Variants in SECISBP2L observed in about 807,000 individuals in gnomAD.
The protein encoded by SECISBP2L is SECIS binding protein 2 like.
A neutral mutation model predicts 114.7 loss-of-function variants in SECISBP2L; 43 were observed. The ratio of observed to expected loss-of-function variants is 0.38; its 90% CI spans 0.29 to 0.48. SECISBP2L has a LOEUF of 0.48. Ranked by LOEUF, SECISBP2L falls within the 20% of genes least tolerant of loss-of-function variation. The pLI is 0.98. For missense variants in SECISBP2L, 1,136 were observed against 1,301.1 expected (o/e 0.87, Z 1.95); for synonymous variants, 451 against 439.7 (o/e 1.03, Z -0.32).
At chr15:49,039,396 C>T (rs1595797584) in intron 1 of SECISBP2L, among the ~76,000 whole-genome samples, 2 of 151,984 alleles carry the variant, frequency 1.3e-5, no homozygotes, top group Non-Finnish European at 1.5e-5. Flanking sequence ...GAAAAGCCGA[C>T]GTACAGCAAT....
At chr15:49,036,784 A>T (rs1006270274) in intron 2 of SECISBP2L, among the ~76,000 whole-genome samples, 2 of 152,234 alleles carry the variant, frequency 1.3e-5, no homozygotes, top group Non-Finnish European at 2.9e-5. Flanking sequence ...ACAATTTCTC[A>T]AAGAATGTGC....
chr15:49,029,599 T>C (rs956570414), intron 4 of SECISBP2L, among the ~76,000 whole-genome samples: 2 of 152,160 alleles, frequency 1.3e-5, no homozygotes, highest in Non-Finnish European at 2.9e-5. Context: ...CTAAGAACAA[T>C]AGTACTGTTG....
At position 48,997,697 on chromosome 15, in the gene SECISBP2L, C is replaced by T. The variant is rs555328083; in HGVS notation, c.2404-1111G>A. The stretch of plus-strand genomic sequence containing the variant: ...CCAGCGTGACCAACATGGAGAAACA[C>T]CATCTCTACTAAAAATACAAAATTA... On this transcript the variant is annotated intron_variant, in intron 16 of 17. Transcript: ENST00000559471. 3.3e-5 allele frequency among the ~76,000 whole-genome samples: 5 copies of T among 152,188 alleles called. No individual in the cohort carries two copies. The South Asian group carries it at 6.2e-4, about 19-fold the overall frequency.
intron 16 of SECISBP2L, among the ~76,000 whole-genome samples, chr15:48,997,053 C>T (rs545091576): frequency 1.3e-5 from 2 of 152,252 alleles, no homozygotes; most frequent in African/African-American, 4.8e-5. Context: ...CTCTAAACTG[C>T]TGGGCATCAC....
At chr15:49,039,369 T>A (rs1251215606) in intron 1 of SECISBP2L, among the ~76,000 whole-genome samples, 1 of 151,754 alleles carries the variant, frequency 6.6e-6, no homozygotes, top group Non-Finnish European at 1.5e-5. Flanking sequence ...AATAAATATT[T>A]CCCCAATTAG....
intron 7 of SECISBP2L, among the ~76,000 whole-genome samples, chr15:49,020,296 C>T (rs528400735): frequency 2.0e-5 from 3 of 152,112 alleles, no homozygotes; most frequent in South Asian, 2.1e-4. Context: ...AGCCTGAACA[C>T]CTAGGCTCGA....
chr15:49,035,216 G>T, intron 3 of SECISBP2L, 118 bp downstream of exon 3: 1 of 841,266 alleles, frequency 1.2e-6, no homozygotes, highest in South Asian at 1.8e-5. Flanking sequence ...TTTTACAATA[G>T]TGAACAATAT....
intron 11 of SECISBP2L, among the ~76,000 whole-genome samples, chr15:49,013,516 C>T (rs1199323683): frequency 6.6e-6 from 1 of 152,100 alleles, no homozygotes; most frequent in Non-Finnish European, 1.5e-5. Context: ...AGGATGGTCT[C>T]GATCTCTTGA....
chr15:48,997,214 G>A (rs1902112265), intron 16 of SECISBP2L, among the ~76,000 whole-genome samples: 4 of 152,210 alleles, frequency 2.6e-5, no homozygotes, highest in Admixed American at 2.0e-4. Context: ...TAGGGGAGCA[G>A]TAAAGATTTT....
intron 7 of SECISBP2L, 120 bp downstream of exon 7, chr15:49,027,245 A>T: frequency 1.6e-6 from 1 of 613,988 alleles, no homozygotes; most frequent in Non-Finnish European, 2.8e-6. Flanking sequence ...TTTTAAAGTT[A>T]CACATGATAG....
chr15:49,002,076 A>G (rs946426619), intron 14 of SECISBP2L: 3 of 152,222 alleles, frequency 2.0e-5, no homozygotes, highest in Non-Finnish European at 4.4e-5. Context: ...ACTCACACCA[A>G]AAGTGTAAAA....
At chr15:49,000,022 G>T in intron 15 of SECISBP2L, 35 bp from the exon 16 acceptor site, 1 of 1,607,942 alleles carries the variant, frequency 6.2e-7, no homozygotes, top group South Asian at 1.1e-5. Flanking sequence ...GCCTTTAGTT[G>T]TTGCCTACAT....
At position 49,002,922 on chromosome 15, in the gene SECISBP2L, T is replaced by C. The variant is rs913147498; in HGVS notation, c.2028-1825A>G. On this transcript the variant is annotated intron_variant, in intron 14 of 17. Coordinates refer to ENST00000559471, the MANE Select transcript of SECISBP2L (RefSeq NM_001193489.2). ...TTGTTCTTTTTGCTTAGGATTGTCT[T>C]GGCTATATGGGCTCTTTTTTGGTTC... 7.2e-5 allele frequency among the ~76,000 whole-genome samples: 11 copies of C among 152,326 alleles called. No individual in the cohort carries two copies. In the East Asian group the frequency reaches 1.9e-3, roughly 27 times the overall value.
intron 4 of SECISBP2L, among the ~76,000 whole-genome samples, chr15:49,030,364 A>C (rs1902860667): frequency 6.6e-6 from 1 of 152,028 alleles, no homozygotes; most frequent in Non-Finnish European, 1.5e-5. Context: ...CTCTCTTTCT[A>C]GGGGGAGGCT....
chr15:49,039,340 G>A lies in SECISBP2L; in HGVS notation c.25-1571C>T, dbSNP rs150118138. Among the ~76,000 whole-genome samples, 146 of 151,918 alleles carry A rather than the reference G, an allele frequency of 9.6e-4. 1 individual carries two copies. The East Asian group carries it at 0.027, about 28-fold the overall frequency. On this transcript the variant is annotated intron_variant, in intron 1 of 17. Coordinates refer to ENST00000559471, the MANE Select transcript of SECISBP2L (RefSeq NM_001193489.2). ...ATTAGAACCCAAACTCACTTATATA[G>A]GACACAATATATCAAAACAATAAAT... is the stretch of plus-strand genomic sequence containing the variant.
At chr15:49,035,087 CTTATG>C (rs1227977443) in intron 3 of SECISBP2L, among the ~76,000 whole-genome samples, 1 of 152,058 alleles carries the variant, frequency 6.6e-6, no homozygotes, top group African/African-American at 2.4e-5. Context: ...ATATTTCTGC[CTTATG>C]TTATGTAAAA....
chr15:49,033,433 T>C (rs1289236257), intron 3 of SECISBP2L, among the ~76,000 whole-genome samples: 3 of 152,176 alleles, frequency 2.0e-5, no homozygotes, highest in Non-Finnish European at 4.4e-5. Context: ...ATACAAGGGG[T>C]TGTAAATTTC....
chr15:49,039,820 C>A (rs908505797), intron 1 of SECISBP2L, among the ~76,000 whole-genome samples: 9 of 151,852 alleles, frequency 5.9e-5, no homozygotes, highest in African/African-American at 2.2e-4. Flanking sequence ...ATGAGCCTGG[C>A]CAGGATTTCT....
At chr15:49,037,915 T>A (rs530356345) in intron 1 of SECISBP2L, 146 bp from the exon 2 acceptor site, 203 of 539,678 alleles carry the variant, frequency 3.8e-4, no homozygotes, top group Admixed American at 6.8e-4. Flanking sequence ...GGAAGAGCAA[T>A]GTCAATTTTA....
Sources: allele counts gnomAD v4.1 joint callset (sites outside exome capture counted in the v4.1 genomes callset), GRCh38; gene constraint gnomAD v4.1.1; transcripts MANE v1.5; gene names NCBI Gene and HGNC (gene_info 2026-07-23, HGNC 2026-07-21).